The following NCKAP5 variants were observed in gnomAD, a reference collection of about 807,000 sequenced individuals.
NCKAP5 encodes nck-associated protein 5.
NCKAP5 carries 92 observed loss-of-function variants against 167.0 expected under a neutral mutation model. The observed-to-expected ratio is 0.55, with a 90% CI of 0.47 to 0.66. The LOEUF (loss-of-function observed/expected upper bound fraction) is 0.66. Ranked by LOEUF, NCKAP5 falls within the 30% of genes least tolerant of loss-of-function variation. The pLI is 0.00. For missense variants in NCKAP5, 2,378 were observed against 2,315.0 expected (o/e 1.03, Z -0.56); for synonymous variants, 891 against 877.4 (o/e 1.02, Z -0.27).
Position 132,783,405 on chromosome 2 carries a change from T to C in NCKAP5, c.3406A>G (p.Ser1136Gly). 1 of 1,596,006 alleles carries C rather than the reference T, an allele frequency of 6.3e-7. No individual in the cohort carries two copies. ...KSHNSPHGCQ[S>G]AHEKGLKTRL... is the part of the protein sequence containing the mutation. ...GTTTTCAGTCCTTTCTCATGAGCAC[T>C]TTGACAACCATGAGGGCTGTTATGG... The change falls in exon 14 of 20, where the codon AGT becomes GGT. Residue 1136 changes from serine to glycine, a missense_variant. This residue lies in a region of NCKAP5 where 1,325 missense variants were observed against 1,274.5 expected (regional missense o/e 1.04). Transcript: ENST00000409261.
intron 6 of NCKAP5, among the ~76,000 whole-genome samples, chr2:133,108,473 G>A (rs1205581470): frequency 2.0e-5 from 3 of 152,184 alleles, no homozygotes; most frequent in Non-Finnish European, 4.4e-5. Flanking sequence ...CAAGTTGAAT[G>A]AATAAATGAA....
In NCKAP5 at chr2:133,490,859, T is replaced by G. The variant is rs1300254308; in HGVS notation, c.69+26599A>C. Among the ~76,000 whole-genome samples, 5 of 152,250 alleles carry G rather than the reference T, an allele frequency of 3.3e-5. 1 individual carries two copies. The highest frequency in any genetic ancestry group is 7.3e-5 in the Non-Finnish European group (5 of 68,048). On this transcript the variant is annotated intron_variant, in intron 3 of 19. Coordinates refer to ENST00000409261, the MANE Select transcript of NCKAP5 (RefSeq NM_207363.3). ...CCAAGTTTTCTTTGTGGACTCCAGC[T>G]CTGGCTGTTTGCTTTGTATTTGCCA... is the stretch of plus-strand genomic sequence containing the variant.
intron 19 of NCKAP5, among the ~76,000 whole-genome samples, chr2:132,693,553 G>A (rs1176866612): frequency 2.0e-5 from 3 of 151,160 alleles, no homozygotes; most frequent in Admixed American, 2.0e-4. Context: ...GGGCCCTGCC[G>A]ACACCTGGAT....
At chr2:132,825,812 A>ACTT (rs1687086471) in intron 11 of NCKAP5, among the ~76,000 whole-genome samples, 1 of 152,224 alleles carries the variant, frequency 6.6e-6, no homozygotes, top group African/African-American at 2.4e-5. Context: ...TACACAACAT[A>ACTT]CTTATGTGCT....
At chr2:133,665,081 T>C in the NCKAP5 span, among the ~76,000 whole-genome samples, 1 of 152,228 alleles carries the variant, frequency 6.6e-6, no homozygotes, top group Non-Finnish European at 1.5e-5. Flanking sequence ...GTTTGGTCTA[T>C]CTTCAAGACC....
Position 132,784,034 on chromosome 2 carries a change from G to T in NCKAP5, c.2777C>A (p.Ser926Tyr), listed in dbSNP as rs769556688. Residue 926 changes from serine to tyrosine, a missense_variant, in exon 14 of 20, where the codon TCC (serine) becomes TAC (tyrosine). Transcript: ENST00000409261. ...GCCTGGAGGGGGCGGAGGGGAAGGG[G>T]ATTTCACCCCTGCCTCCGGCCCAGA... ...CGSGPEAGVK[S>Y]PSPPPPPGRS... 9.0e-6 allele frequency: 14 copies of T among 1,548,272 alleles called. No individual in the cohort carries two copies. The highest frequency in any genetic ancestry group is 1.2e-5 in the Non-Finnish European group (14 of 1,151,094).
rs869253241 is a variant in NCKAP5 at position 133,178,504 on chromosome 2, CAAAAAAAAAAAAAAAAAAAAAAAAAAA to C, written c.207+35185_207+35211del. ...TGGGTGACACAATGAGACCCTGTCT[CAAAAAAAAAAAAAAAAAAAAAAAAAAA>C]AAAAAAAAAAAAGGCCAGGCGCATT... On this transcript the variant is annotated intron_variant, in intron 5 of 19. Transcript: ENST00000409261. Among the ~76,000 whole-genome samples, 4 of 23,952 alleles carry C rather than the reference CAAAAAAAAAAAAAAAAAAAAAAAAAAA, an allele frequency of 1.7e-4. 1 individual carries two copies. Among genetic ancestry groups the C allele is most frequent in the Middle Eastern group, 0.11 (2 of 18 alleles). The allele number at this position is 23,952 out of a possible 152,430, so 15.7% of individuals were successfully genotyped here. A position where few individuals can be genotyped will look rare whatever the true frequency, so the allele number is the denominator to read the frequency against.
chr2:132,895,109 A>C (rs1002635211), intron 8 of NCKAP5, among the ~76,000 whole-genome samples: 1 of 152,094 alleles, frequency 6.6e-6, no homozygotes, highest in Non-Finnish European at 1.5e-5. Flanking sequence ...AGGCGGGCGG[A>C]TCACAAGGTC....
intron 19 of NCKAP5, among the ~76,000 whole-genome samples, chr2:132,687,752 CACA>C (rs1686151020): frequency 1.3e-5 from 2 of 150,270 alleles, no homozygotes; most frequent in African/African-American, 5.0e-5. Context: ...CACACACACA[CACA>C]CCCTTCCTCT....
intron 16 of NCKAP5, among the ~76,000 whole-genome samples, chr2:132,773,457 T>C (rs1018165053): frequency 6.6e-6 from 1 of 152,258 alleles, no homozygotes; most frequent in African/African-American, 2.4e-5. Context: ...TGTAAAACAT[T>C]CAATTTATAA....
chr2:133,553,021 AC>A (rs1351393120), intron 2 of NCKAP5, among the ~76,000 whole-genome samples: 1 of 152,202 alleles, frequency 6.6e-6, no homozygotes, highest in African/African-American at 2.4e-5. Flanking sequence ...ATATTAGAGT[AC>A]ATTCTTTTTC....
intron 3 of NCKAP5, among the ~76,000 whole-genome samples, chr2:133,337,240 T>G (rs1683275147): frequency 6.6e-6 from 1 of 152,244 alleles, no homozygotes; most frequent in African/African-American, 2.4e-5. Flanking sequence ...ATTGTGTAGC[T>G]GAACTTCTTG....
chr2:133,610,104 A>C, the NCKAP5 span, among the ~76,000 whole-genome samples: 1 of 152,182 alleles, frequency 6.6e-6, no homozygotes, highest in East Asian at 1.9e-4. Flanking sequence ...CATCGCATCG[A>C]TTTTCTATCC....
chr2:133,002,927 T>C (rs2077836119), intron 6 of NCKAP5, among the ~76,000 whole-genome samples: 1 of 152,230 alleles, frequency 6.6e-6, no homozygotes, highest in Non-Finnish European at 1.5e-5. Context: ...GAGAAGTAGA[T>C]ACAGTGAGAA....
At chr2:133,338,355 T>C (rs563202198) in intron 3 of NCKAP5, among the ~76,000 whole-genome samples, 4 of 152,330 alleles carry the variant, frequency 2.6e-5, no homozygotes, top group Non-Finnish European at 5.9e-5. Flanking sequence ...GTCATTGCAT[T>C]CTAATTCTTA....
At chr2:132,723,458 G>A (rs755979059) in intron 19 of NCKAP5, among the ~76,000 whole-genome samples, 3 of 152,126 alleles carry the variant, frequency 2.0e-5, no homozygotes, top group South Asian at 4.1e-4. Flanking sequence ...CACCGCGCCC[G>A]GCCATTAGGT....
intron 3 of NCKAP5, among the ~76,000 whole-genome samples, chr2:133,476,356 A>C (rs557804196): frequency 5.3e-5 from 8 of 152,380 alleles, no homozygotes; most frequent in African/African-American, 1.9e-4. Flanking sequence ...ATTTTCTTCA[A>C]TTATATAATA....
chr2:133,350,756 G>A (rs1446793009), intron 3 of NCKAP5, among the ~76,000 whole-genome samples: 1 of 152,080 alleles, frequency 6.6e-6, no homozygotes, highest in Non-Finnish European at 1.5e-5. Flanking sequence ...TTCTCGGTCT[G>A]AGCCCCTGTG....
chr2:133,255,487 T>TG (rs2088569795), intron 4 of NCKAP5, among the ~76,000 whole-genome samples: 1 of 152,048 alleles, frequency 6.6e-6, no homozygotes, highest in South Asian at 2.1e-4. Flanking sequence ...TTAGTTTCCT[T>TG]GGGGGGAGGG....
Sources: gnomAD v4.1 joint callset for allele counts (sites outside exome capture counted in the v4.1 genomes callset) on GRCh38, gnomAD v4.1.1 for gene constraint, gnomAD v4.1.1 regional missense constraint, MANE v1.5 for transcripts, NCBI Gene and HGNC (gene_info 2026-07-23, HGNC 2026-07-21) for gene names.